Variants in SEC23A observed in about 807,000 individuals in gnomAD.
SEC23A encodes SEC23 homolog A, COPII component, also known as protein transport protein Sec23A.
SEC23A carries 56 observed loss-of-function variants against 103.7 expected under a neutral mutation model. The observed-to-expected ratio is 0.54, with a 90% confidence interval of 0.44 to 0.67. The LOEUF (loss-of-function observed/expected upper bound fraction) is 0.67. SEC23A is among the 30% of genes least tolerant of loss of function. The probability of loss-of-function intolerance (pLI) is 0.00; values close to 1 mark genes in which losing one functional copy is unlikely to be tolerated. For missense variants in SEC23A, 784 were observed against 936.4 expected (o/e 0.84, Z 2.12); for synonymous variants, 281 against 293.0 (o/e 0.96, Z 0.42).
chr14:39,050,024 T>C (rs1300297319), intron 14 of SEC23A, among the ~76,000 whole-genome samples: 1 of 151,990 alleles, frequency 6.6e-6, no homozygotes. Context: ...CGTCTCGGCC[T>C]CCCAAAATGC....
chr14:39,055,403 T>G, intron 13 of SEC23A, 107 bp from the exon 14 acceptor site: 1 of 1,160,938 alleles, frequency 8.6e-7, no homozygotes, highest in Non-Finnish European at 1.2e-6. Context: ...ATACAGAAAC[T>G]ACTAGGATTT....
chr14:39,090,272 G>C (rs1275812237), intron 5 of SEC23A, among the ~76,000 whole-genome samples: 1 of 152,030 alleles, frequency 6.6e-6, no homozygotes, highest in Non-Finnish European at 1.5e-5. Context: ...AGTTGCACCA[G>C]AATTACTTAG....
At chr14:39,037,127 C>T (rs1423530262) in intron 19 of SEC23A, among the ~76,000 whole-genome samples, 1 of 152,124 alleles carries the variant, frequency 6.6e-6, no homozygotes, top group Non-Finnish European at 1.5e-5. Context: ...TCTCCTTTAC[C>T]TCTTTACTCT....
chr14:39,083,300 C>T (rs1035523316), intron 7 of SEC23A, among the ~76,000 whole-genome samples: 3 of 152,078 alleles, frequency 2.0e-5, no homozygotes, highest in East Asian at 1.9e-4. Flanking sequence ...ATTGCTCCTT[C>T]GGAAAGGCTA....
intron 18 of SEC23A, 71 bp downstream of exon 18, chr14:39,040,661 G>C (rs563559499): frequency 4.9e-5 from 77 of 1,579,910 alleles, no homozygotes; most frequent in South Asian, 4.8e-4. Flanking sequence ...ATTAAAATCA[G>C]AAGGCAAGCA....
chr14:39,092,694 A>AATTTTAT, intron 3 of SEC23A, 67 bp from the exon 4 acceptor site: 4 of 881,272 alleles, frequency 4.5e-6, no homozygotes, highest in Non-Finnish European at 7.3e-6. Flanking sequence ...AAAATTTTAA[A>AATTTTAT]CAAAGTATTT....
intron 13 of SEC23A, among the ~76,000 whole-genome samples, chr14:39,055,599 G>C (rs542244241): frequency 1.4e-4 from 21 of 151,646 alleles, no homozygotes; most frequent in African/African-American, 5.1e-4. Context: ...TAGTGAGGCA[G>C]GAAATTAAAC....
intron 6 of SEC23A, among the ~76,000 whole-genome samples, chr14:39,086,308 T>C (rs1052337266): frequency 6.6e-6 from 1 of 152,158 alleles, no homozygotes; most frequent in Non-Finnish European, 1.5e-5. Context: ...ATACATCAAC[T>C]AAATTTTAGT....
At chr14:39,063,501 A>G (rs1373722033) in intron 11 of SEC23A, 88 bp from the exon 12 acceptor site, 8 of 679,560 alleles carry the variant, frequency 1.2e-5, no homozygotes, top group South Asian at 4.2e-5. Flanking sequence ...AGACCACAGG[A>G]AAAAAAAAAG....
chr14:39,041,263 C>G lies in SEC23A; in HGVS notation c.1987-376G>C, dbSNP rs1885626407. On this transcript the variant is annotated intron_variant, in intron 17 of 19. Coordinates refer to ENST00000307712, the MANE Select transcript of SEC23A (RefSeq NM_006364.4). ...TAATTAAATCATCTAAAAACTTATG[C>G]CTGGTTTATTTTCTAAGTTAGCTGA... 5 of 164,704 alleles carry G rather than the reference C, an allele frequency of 3.0e-5. No individual in the cohort carries two copies. In the South Asian group the frequency reaches 7.8e-4, roughly 26 times the overall value. The allele number at this position is 164,704 out of a possible 1,614,324, so 10.2% of individuals were successfully genotyped here. A position where few individuals can be genotyped will look rare whatever the true frequency, so the allele number is the denominator to read the frequency against.
intron 13 of SEC23A, 99 bp downstream of exon 13, chr14:39,061,666 T>C (rs1188857306): frequency 2.5e-6 from 2 of 802,162 alleles, no homozygotes; most frequent in East Asian, 2.5e-5. Flanking sequence ...AAATATTCAC[T>C]TGCTAGTCAT....
At chr14:39,086,869 G>A in intron 6 of SEC23A, 60 bp downstream of exon 6, 1 of 951,796 alleles carries the variant, frequency 1.1e-6, no homozygotes, top group East Asian at 2.4e-5. Context: ...TATGTTCAAG[G>A]GTATGGAATG....
chr14:39,093,119 G>A (rs750075921), intron 3 of SEC23A, 68 bp downstream of exon 3: 63 of 1,271,776 alleles, frequency 5.0e-5, no homozygotes, highest in Non-Finnish European at 6.3e-5. Context: ...CACCCGCCTC[G>A]GCCTCCCAAA....
Position 39,048,544 on chromosome 14 carries a change from G to A in SEC23A, c.1737+108C>T, listed in dbSNP as rs911509086. The A allele has an allele frequency of 1.4e-5, 10 of 724,478 alleles. No homozygotes were observed. In the African/African-American group the frequency reaches 1.8e-4, roughly 13 times the overall value. 44.9% of individuals were successfully genotyped at this position (724,478 alleles called of 1,614,324 possible). ...AAGCCCCGGAGTTCCAGGTTACAGT[G>A]AGCTATGATGGAGCCACTATACTTC... On this transcript the variant is annotated intron_variant, in intron 15 of 19. Transcript: ENST00000307712.
rs1227535260 is a variant in SEC23A, at chr14:39,039,047, A to G, written c.2192T>C (p.Met731Thr). ...KVNPSQTHNNMYAWGQESGAP... is the reference protein window; with the variant it reads ...KVNPSQTHNNTYAWGQESGAP... ...TAAACTTACCTGCCCCCAGGCATACATATTATTATGAGTCTGTGAAGGGTT... is the reference window on the plus strand; with the variant it reads ...TAAACTTACCTGCCCCCAGGCATACGTATTATTATGAGTCTGTGAAGGGTT... The change falls in exon 19 of 20, where the codon ATG becomes ACG. Residue 731 changes from methionine to threonine, a missense_variant. Met to Thr is a moderately conservative substitution (Grantham distance 81). Coordinates refer to ENST00000307712, the MANE Select transcript of SEC23A (RefSeq NM_006364.4). 3.1e-6 allele frequency: 5 copies of G among 1,613,302 alleles called. No individual in the cohort carries two copies. The East Asian group carries it at 6.7e-5, about 22-fold the overall frequency.
intron 17 of SEC23A, 70 bp downstream of exon 17, chr14:39,042,716 T>G (rs1885688701): frequency 2.1e-6 from 2 of 930,420 alleles, no homozygotes; most frequent in South Asian, 2.7e-5. Context: ...GCCATACAAT[T>G]AGAAGTAAGA....
intron 14 of SEC23A, among the ~76,000 whole-genome samples, chr14:39,052,688 T>C (rs1348225334): frequency 2.0e-5 from 3 of 152,202 alleles, no homozygotes; most frequent in Admixed American, 2.0e-4. Flanking sequence ...CAATGAAGCA[T>C]TTGTTGAGAC....
intron 1 of SEC23A, among the ~76,000 whole-genome samples, 192 bp downstream of exon 1, chr14:39,102,840 C>T (rs1052857397): frequency 6.6e-6 from 1 of 152,220 alleles, no homozygotes; most frequent in Non-Finnish European, 1.5e-5. Context: ...AGGCCGGGCC[C>T]CCGGCCCCGG....
intron 2 of SEC23A, among the ~76,000 whole-genome samples, chr14:39,093,640 A>G (rs571570569): frequency 5.9e-5 from 9 of 151,960 alleles, no homozygotes; most frequent in Non-Finnish European, 1.3e-4. Context: ...ACATGCCTGC[A>G]CTCCCAGTTA....
Sources: gnomAD v4.1 joint callset for allele counts (sites outside exome capture counted in the v4.1 genomes callset) on GRCh38, gnomAD v4.1.1 for gene constraint, MANE v1.5 for transcripts, NCBI Gene and HGNC (gene_info 2026-07-23, HGNC 2026-07-21) for gene names.